KDM6A: variants seen among roughly 807,000 people sequenced by gnomAD.
KDM6A encodes the protein lysine demethylase 6A, also known as lysine-specific demethylase 6A.
In KDM6A, 11 loss-of-function variants were observed where a neutral mutation model predicts 117.6. The observed-to-expected ratio is 0.09, with a 90% confidence interval of 0.06 to 0.15. The LOEUF is 0.15. Ranked by LOEUF, KDM6A falls within the 10% of genes least tolerant of loss-of-function variation. The probability of loss-of-function intolerance (pLI) is 1.00; values close to 1 mark genes in which losing one functional copy is unlikely to be tolerated. For synonymous variants in KDM6A, 384 were observed against 396.1 expected (o/e 0.97, Z 0.36); for missense variants, 799 against 1,077.3 (o/e 0.74, Z 3.62).
chrX:45,082,700 T>C lies in KDM6A; in HGVS notation c.3366-15T>C. On this transcript the variant is annotated splice_polypyrimidine_tract_variant and intron_variant, in intron 22 of 29. Transcript: ENST00000611820. ...TTTAAAAGGCATGTTTCTAATACTG[T>C]GTCTCTTTTTTAAGTTCTGGGAGGA... 4.2e-6 allele frequency: 5 copies of C among 1,195,836 alleles called. No homozygotes were observed. The highest frequency in any genetic ancestry group is 5.7e-6 in the Non-Finnish European group (5 of 881,065).
At chrX:45,091,899 C>T (rs1466948009) in intron 27 of KDM6A, among the ~76,000 whole-genome samples, 3 of 111,275 alleles carry the variant, frequency 2.7e-5, no homozygotes, top group East Asian at 2.8e-4. Flanking sequence ...AAATCTAGAT[C>T]GAAACTTTTA....
chrX:45,037,588 T>C (rs910050797), intron 7 of KDM6A, 67 bp from the exon 8 acceptor site: 9 of 850,611 alleles, frequency 1.1e-5, no homozygotes, highest in Non-Finnish European at 1.6e-5. Context: ...TTTGTTATTC[T>C]TACTTAATTT....
chrX:44,971,395 A>G (rs1569493288), intron 3 of KDM6A, among the ~76,000 whole-genome samples: 1 of 111,939 alleles, frequency 8.9e-6, no homozygotes, highest in East Asian at 2.8e-4. Context: ...ATATGTGATG[A>G]TGTTTTTGGG....
chrX:45,051,531 C>A (rs1050019106), intron 8 of KDM6A, among the ~76,000 whole-genome samples, 178 bp from the exon 9 acceptor site: 2 of 111,920 alleles, frequency 1.8e-5, no homozygotes, highest in African/African-American at 6.5e-5. Flanking sequence ...TACTCTGGAA[C>A]AAGGCTTATT....
At chrX:45,022,425 G>A (rs1340889922) in intron 6 of KDM6A, among the ~76,000 whole-genome samples, 1 of 111,348 alleles carries the variant, frequency 9.0e-6, no homozygotes, top group Non-Finnish European at 1.9e-5. Context: ...TACCTTTAAC[G>A]AGTCCATGAT....
intron 8 of KDM6A, among the ~76,000 whole-genome samples, chrX:45,038,716 C>T (rs897531522): frequency 9.1e-6 from 1 of 109,885 alleles, no homozygotes; most frequent in Non-Finnish European, 1.9e-5. Flanking sequence ...ACATGTATAC[C>T]TATGTAACAA....
intron 5 of KDM6A, among the ~76,000 whole-genome samples, chrX:45,012,277 T>G (rs1270199961): frequency 1.0e-5 from 1 of 98,731 alleles, no homozygotes; most frequent in East Asian, 3.2e-4. Context: ...CTTGGCTCAC[T>G]GCAACCTCCG....
At chrX:44,986,400 C>G (rs191367548) in intron 4 of KDM6A, among the ~76,000 whole-genome samples, 101 of 111,317 alleles carry the variant, frequency 9.1e-4, no homozygotes, top group African/African-American at 3.0e-3. Flanking sequence ...TTTTTGGTGT[C>G]TCTATTTCCT....
chrX:44,965,901 C>T (rs1420732081), intron 3 of KDM6A, among the ~76,000 whole-genome samples: 1 of 111,488 alleles, frequency 9.0e-6, no homozygotes. Context: ...TGCAATAAAA[C>T]AGGGTATGCC....
intron 3 of KDM6A, 69 bp from the exon 4 acceptor site, chrX:44,974,597 G>A (rs1009404162): frequency 5.7e-5 from 41 of 725,495 alleles, no homozygotes; most frequent in Non-Finnish European, 8.1e-5. Flanking sequence ...TCTTGTTACC[G>A]TGTTTGTTAA....
intron 8 of KDM6A, among the ~76,000 whole-genome samples, chrX:45,038,273 T>A (rs937875809): frequency 3.6e-5 from 4 of 111,802 alleles, no homozygotes; most frequent in African/African-American, 1.3e-4. Flanking sequence ...CAAGCTCAAA[T>A]GGCTATATTT....
chrX:45,093,697 C>A (rs1394135039), intron 27 of KDM6A, among the ~76,000 whole-genome samples: 1 of 111,025 alleles, frequency 9.0e-6, no homozygotes, highest in Non-Finnish European at 1.9e-5. Flanking sequence ...CCTCTATCAT[C>A]TTTTCCATTC....
At position 44,947,464 on chromosome X, in the gene KDM6A, C is replaced by A. The variant is rs1306133074; in HGVS notation, c.226-13820C>A. Among the ~76,000 whole-genome samples, 5 of 108,900 alleles carry A rather than the reference C, an allele frequency of 4.6e-5. No individual in the cohort carries two copies. In the Admixed American group the frequency reaches 4.9e-4, roughly 11 times the overall value. The allele number at this position is 108,900 out of a possible 115,157, so 94.6% of individuals were successfully genotyped here. Reference sequence around the variant, plus strand: ...GATCTTGGCTCACTGCAAGCTCCGCCTCCCGGGTCCATGCCATTTTCCTGC... The same window carrying A: ...GATCTTGGCTCACTGCAAGCTCCGCATCCCGGGTCCATGCCATTTTCCTGC... On this transcript the variant is annotated intron_variant, in intron 2 of 29. Transcript: ENST00000611820.
intron 5 of KDM6A, among the ~76,000 whole-genome samples, chrX:45,011,760 GTTTATTTA>G (rs1234906799): frequency 2.7e-5 from 3 of 110,447 alleles, no homozygotes; most frequent in East Asian, 2.8e-4. Context: ...TCTTTAGTTT[GTTTATTTA>G]TTTATTTATT....
chrX:45,048,707 G>C (rs896021472), intron 8 of KDM6A, among the ~76,000 whole-genome samples: 1 of 108,092 alleles, frequency 9.3e-6, no homozygotes. Flanking sequence ...ATCTAGTGCC[G>C]TTTCCTTCCT....
chrX:45,003,565 C>T (rs148209790), intron 4 of KDM6A, among the ~76,000 whole-genome samples: 4,214 of 110,443 alleles, frequency 0.038, 214 homozygotes, highest in African/African-American at 0.13. Flanking sequence ...GGGCTATGCC[C>T]TTGTTTACAC....
chrX:44,874,263 G>C (rs1358053938), intron 2 of KDM6A, among the ~76,000 whole-genome samples: 1 of 111,970 alleles, frequency 8.9e-6, no homozygotes, highest in Non-Finnish European at 1.9e-5. Context: ...CTATTTTACA[G>C]CTTTTTGAGG....
intron 2 of KDM6A, among the ~76,000 whole-genome samples, chrX:44,918,877 A>G (rs2035722216): frequency 8.9e-6 from 1 of 111,905 alleles, no homozygotes; most frequent in Non-Finnish European, 1.9e-5. Context: ...TTTCATGTTT[A>G]CAAGTTTTAC....
chrX:44,962,058 G>C (rs2038697496), intron 3 of KDM6A, among the ~76,000 whole-genome samples: 1 of 111,541 alleles, frequency 9.0e-6, no homozygotes, highest in South Asian at 3.7e-4. Context: ...TTATTATTAT[G>C]ACCAAGAACA....
Sources: allele counts gnomAD v4.1 joint callset (sites outside exome capture counted in the v4.1 genomes callset), GRCh38; gene constraint gnomAD v4.1.1; transcripts MANE v1.5; gene names NCBI Gene and HGNC (gene_info 2026-07-23, HGNC 2026-07-21).